TRAPPC9: variants seen among roughly 807,000 people sequenced by gnomAD.
The protein encoded by TRAPPC9 is trafficking protein particle complex subunit 9, also known as IKK2 binding protein.
TRAPPC9 carries 83 observed loss-of-function variants against 124.0 expected under a neutral mutation model. The observed-to-expected ratio is 0.67, with a 90% CI of 0.56 to 0.80. The LOEUF is 0.80. TRAPPC9 is among the 30% of genes least tolerant of loss of function. The pLI, the probability that TRAPPC9 is intolerant of heterozygous loss-of-function variation, is 0.00. For synonymous variants in TRAPPC9, 638 were observed against 617.5 expected (o/e 1.03, Z -0.49); for missense variants, 1,302 against 1,508.3 (o/e 0.86, Z 2.27).
chr8:140,223,718 G>A (rs2131334996), intron 16 of TRAPPC9, among the ~76,000 whole-genome samples: 1 of 150,356 alleles, frequency 6.7e-6, no homozygotes, highest in East Asian at 2.0e-4. Context: ...AATTAACCAA[G>A]CATAATAGAA....
chr8:140,276,914 C>A (rs972720053), intron 14 of TRAPPC9, among the ~76,000 whole-genome samples: 1 of 152,166 alleles, frequency 6.6e-6, no homozygotes, highest in African/African-American at 2.4e-5. Context: ...ATTAGTCCAG[C>A]ATACTTGAGC....
At chr8:139,803,811 T>C (rs1281722442) in intron 21 of TRAPPC9, among the ~76,000 whole-genome samples, 4 of 152,154 alleles carry the variant, frequency 2.6e-5, no homozygotes, top group Non-Finnish European at 5.9e-5. Flanking sequence ...GCTGCTCCAC[T>C]TTACCACTTC....
intron 21 of TRAPPC9, among the ~76,000 whole-genome samples, chr8:139,769,397 G>A (rs1360020131): frequency 6.6e-6 from 1 of 152,260 alleles, no homozygotes; most frequent in African/African-American, 2.4e-5. Flanking sequence ...GGCTCAGGGT[G>A]GGGAATGTGC....
chr8:140,395,790 C>G (rs1459857851), intron 7 of TRAPPC9, among the ~76,000 whole-genome samples: 2 of 152,004 alleles, frequency 1.3e-5, no homozygotes, highest in East Asian at 3.9e-4. Flanking sequence ...CTCGCCTGAG[C>G]CCCCAGACCC....
intron 9 of TRAPPC9, among the ~76,000 whole-genome samples, chr8:140,315,422 A>ATAAAGAT (rs2066418204): frequency 6.6e-6 from 1 of 152,142 alleles, no homozygotes; most frequent in African/African-American, 2.4e-5. Flanking sequence ...AGTAAAGGTT[A>ATAAAGAT]TAAAGATTAT....
At chr8:140,359,574 C>T (rs2067873926) in intron 9 of TRAPPC9, among the ~76,000 whole-genome samples, 2 of 152,060 alleles carry the variant, frequency 1.3e-5, no homozygotes, top group African/African-American at 2.4e-5. Flanking sequence ...CCCAGTGACT[C>T]GAAGGGGCAC....
intron 4 of TRAPPC9, among the ~76,000 whole-genome samples, chr8:140,428,088 A>T (rs1056492261): frequency 1.3e-5 from 2 of 152,216 alleles, no homozygotes; most frequent in Admixed American, 1.3e-4. Context: ...ACCTTGAGGA[A>T]GTCTGGATTT....
rs918647260 is a variant in TRAPPC9, at chr8:139,776,699, T to C, written c.3056-44497A>G. ...GCGCACACACACACAGAAAGGCACA[T>C]GTGTGCTGGCTTCAAGAGCTTGGTG... On this transcript the variant is annotated intron_variant, in intron 21 of 22. Coordinates refer to ENST00000438773, the MANE Select transcript of TRAPPC9 (RefSeq NM_001160372.4). The surrounding 1 kb of genome is among the most constrained non-coding windows in gnomAD (Gnocchi z 4.1). Among the ~76,000 whole-genome samples, 2 of 151,882 alleles carry C rather than the reference T, an allele frequency of 1.3e-5. No individual in the cohort carries two copies. The highest frequency in any genetic ancestry group is 2.0e-4 in the East Asian group (1 of 5,126).
chr8:140,072,573 A>AAGAGG, intron 17 of TRAPPC9, among the ~76,000 whole-genome samples: 1 of 32,980 alleles, frequency 3.0e-5, no homozygotes, highest in African/African-American at 1.0e-4. Flanking sequence ...AGGAGAAAGG[A>AAGAGG]AGGAGGAGGA....
chr8:140,181,580 T>C (rs4443641), intron 17 of TRAPPC9, among the ~76,000 whole-genome samples: 78,433 of 152,062 alleles, frequency 0.52, 22,273 homozygotes, highest in East Asian at 0.99. Context: ...TGTGAGCCAC[T>C]GCACCCAGCC....
chr8:139,829,777 T>G (rs1449414083), intron 21 of TRAPPC9, among the ~76,000 whole-genome samples: 1 of 152,242 alleles, frequency 6.6e-6, no homozygotes, highest in Non-Finnish European at 1.5e-5. Context: ...CATCTGCTCC[T>G]TACTGTCTCT....
intron 13 of TRAPPC9, among the ~76,000 whole-genome samples, chr8:140,286,649 C>T (rs112056820): frequency 8.2e-4 from 124 of 152,106 alleles, no homozygotes; most frequent in African/African-American, 2.9e-3. Flanking sequence ...TGGGAATGCC[C>T]GCACTGAGAT....
At chr8:139,802,731 T>C (rs1823625954) in intron 21 of TRAPPC9, among the ~76,000 whole-genome samples, 1 of 152,220 alleles carries the variant, frequency 6.6e-6, no homozygotes, top group Non-Finnish European at 1.5e-5. Flanking sequence ...ATGTGGAACA[T>C]TCTGTTTGGA....
chr8:140,000,090 A>ACCTGACAACC (rs1838290556), intron 18 of TRAPPC9, among the ~76,000 whole-genome samples: 2 of 152,284 alleles, frequency 1.3e-5, no homozygotes, highest in Admixed American at 1.3e-4. Context: ...CATCTACAAC[A>ACCTGACAACC]ACCTGATCTT....
rs202133497 is a variant in TRAPPC9 at position 139,836,018 on chromosome 8, AT to A, written c.3055+49860del. On this transcript the variant is annotated intron_variant, in intron 21 of 22. Transcript: ENST00000438773. ...AAGGGAAGCATTTATTTATTTATTT[AT>A]TTTTTTTGAGACAGAGTCTCACTCC... Among the ~76,000 whole-genome samples, 402 of 101,154 alleles carry A rather than the reference AT, an allele frequency of 4.0e-3. 1 individual carries two copies. Among genetic ancestry groups the A allele is most frequent in the African/African-American group, 0.017 (371 of 22,374 alleles). 66.4% of individuals were successfully genotyped at this position (101,154 alleles called of 152,430 possible). A position where few individuals can be genotyped will look rare whatever the true frequency, so the allele number is the denominator to read the frequency against.
intron 16 of TRAPPC9, among the ~76,000 whole-genome samples, chr8:140,233,492 C>T (rs1316220912): frequency 6.6e-6 from 1 of 152,036 alleles, no homozygotes; most frequent in Non-Finnish European, 1.5e-5. Context: ...GTGTGAGACA[C>T]CGTGCCCAGC....
At chr8:139,964,007 G>A (rs944622306) in intron 19 of TRAPPC9, among the ~76,000 whole-genome samples, 14 of 152,016 alleles carry the variant, frequency 9.2e-5, no homozygotes, top group Admixed American at 7.2e-4. Flanking sequence ...GGTGGATCAC[G>A]AGGTCAGGAG....
At chr8:140,336,777 A>G (rs2067053152) in intron 9 of TRAPPC9, among the ~76,000 whole-genome samples, 1 of 152,246 alleles carries the variant, frequency 6.6e-6, no homozygotes, top group Non-Finnish European at 1.5e-5. Context: ...TCCTTGGTAC[A>G]GAAACAAACT....
intron 18 of TRAPPC9, among the ~76,000 whole-genome samples, chr8:140,020,173 A>G (rs536245142): frequency 6.6e-6 from 1 of 152,112 alleles, no homozygotes; most frequent in Non-Finnish European, 1.5e-5. Context: ...TATTGTTACT[A>G]TTTTCAGAGA....
Sources: gnomAD v4.1 joint callset for allele counts (sites outside exome capture counted in the v4.1 genomes callset) on GRCh38, gnomAD v4.1.1 for gene constraint, Gnocchi (gnomAD v3.1) non-coding constraint, MANE v1.5 for transcripts, NCBI Gene and HGNC (gene_info 2026-07-23, HGNC 2026-07-21) for gene names.